Variants in AGMO observed in about 807,000 individuals in gnomAD.
AGMO encodes alkylglycerol monooxygenase.
A neutral mutation model predicts 60.2 loss-of-function variants in AGMO; 75 were observed. The ratio of observed to expected loss-of-function variants is 1.25; its 90% CI spans 1.03 to 1.51. AGMO has a LOEUF of 1.51. Ranked by LOEUF, AGMO falls within the 40% of genes most tolerant of loss-of-function variation. AGMO has a pLI of 0.00. For missense variants in AGMO, 763 were observed against 525.5 expected, an observed-to-expected ratio of 1.45 and a Z score of -4.42; for synonymous variants, 261 against 177.1, an observed-to-expected ratio of 1.47 and a Z score of -3.76.
chr7:15,545,745 A>G (rs966366816), intron 2 of AGMO, among the ~76,000 whole-genome samples: 7 of 152,056 alleles, frequency 4.6e-5, no homozygotes, highest in African/African-American at 1.7e-4. Flanking sequence ...ATGTACTTCA[A>G]TTTTAGAAAG....
chr7:15,370,444 C>T (rs922349954), intron 10 of AGMO, among the ~76,000 whole-genome samples: 1 of 152,118 alleles, frequency 6.6e-6, no homozygotes, highest in South Asian at 2.1e-4. Context: ...AATGGTAGTT[C>T]TAAGTTCTTT....
At chr7:15,375,418 CAG>C (rs1213288092) in intron 10 of AGMO, among the ~76,000 whole-genome samples, 3 of 106,604 alleles carry the variant, frequency 2.8e-5, no homozygotes, top group East Asian at 2.8e-4. Context: ...TTTTTTGAGA[CAG>C]AGTCTTGCTC....
intron 3 of AGMO, among the ~76,000 whole-genome samples, chr7:15,516,918 G>T (rs935450176): frequency 1.3e-5 from 2 of 152,022 alleles, no homozygotes; most frequent in Admixed American, 1.3e-4. Flanking sequence ...ATAGAATAAA[G>T]AGAAAGAGTC....
chr7:15,521,719 T>G (rs1783994032), intron 3 of AGMO, among the ~76,000 whole-genome samples: 1 of 152,182 alleles, frequency 6.6e-6, no homozygotes, highest in Non-Finnish European at 1.5e-5. Flanking sequence ...GAGCTATTTA[T>G]GACAAACCCA....
At chr7:15,317,012 A>T (rs1227819532) in intron 12 of AGMO, among the ~76,000 whole-genome samples, 1 of 152,206 alleles carries the variant, frequency 6.6e-6, no homozygotes, top group Non-Finnish European at 1.5e-5. Flanking sequence ...CATCAAGCAT[A>T]TCCACATGTG....
the AGMO span, among the ~76,000 whole-genome samples, chr7:15,161,461 CATAT>C: frequency 6.6e-6 from 1 of 151,496 alleles, no homozygotes; most frequent in African/African-American, 2.4e-5. Context: ...CACACACATA[CATAT>C]ACACATATAA....
intron 12 of AGMO, among the ~76,000 whole-genome samples, chr7:15,240,924 A>T (rs1583319343): frequency 6.6e-6 from 1 of 152,200 alleles, no homozygotes; most frequent in Non-Finnish European, 1.5e-5. Context: ...AGGCTACAGG[A>T]ATTGTAAATA....
Position 15,354,415 on chromosome 7 carries a change from T to TGTATATATAC in AGMO, c.1263+11098_1263+11099insGTATATATAC, listed in dbSNP as rs1782406573. Among the ~76,000 whole-genome samples the TGTATATATAC allele has an allele frequency of 2.2e-4, 5 of 23,092 alleles. 1 individual carries two copies. The highest frequency in any genetic ancestry group is 1.7e-3 in the Admixed American group (5 of 2,988). The allele number at this position is 23,092 out of a possible 152,430, so 15.1% of individuals were successfully genotyped here. On this transcript the variant is annotated intron_variant, in intron 12 of 12. Coordinates refer to ENST00000342526, the MANE Select transcript of AGMO (RefSeq NM_001004320.2). Reference sequence around the variant, plus strand: ...GTATACACGTGTGTGTACACACGTGTGTGTATACACACACGTGTGTGTATA... The same window carrying TGTATATATAC: ...GTATACACGTGTGTGTACACACGTGTGTATATATACGTGTATACACACACGTGTGTGTATA...
chr7:15,449,063 T>C (rs1413309446), intron 3 of AGMO, among the ~76,000 whole-genome samples: 1 of 152,102 alleles, frequency 6.6e-6, no homozygotes, highest in African/African-American at 2.4e-5. Context: ...CTCTTTTCTA[T>C]GTGAAAGAAA....
At chr7:15,184,328 A>AATAGAAGGAAGGAAGGGAGGGAG in the AGMO span, among the ~76,000 whole-genome samples, 1 of 92,090 alleles carries the variant, frequency 1.1e-5, no homozygotes, top group African/African-American at 4.6e-5. Context: ...GGAGGGAAGG[A>AATAGAAGGAAGGAAGGGAGGGAG]GGAAGGAAGG....
intron 12 of AGMO, among the ~76,000 whole-genome samples, chr7:15,239,145 C>A (rs1017310104): frequency 2.6e-5 from 4 of 152,102 alleles, no homozygotes; most frequent in Non-Finnish European, 4.4e-5. Flanking sequence ...ACCATCAACA[C>A]AACTTGTTGA....
intron 3 of AGMO, among the ~76,000 whole-genome samples, chr7:15,484,212 T>C (rs964379620): frequency 2.6e-5 from 4 of 152,202 alleles, no homozygotes; most frequent in Admixed American, 2.0e-4. Context: ...ACATATGAAA[T>C]GTTGAAGTAG....
At chr7:15,531,338 ATATATATTCTATATATATTC>A (rs1784337055) in intron 3 of AGMO, among the ~76,000 whole-genome samples, 1 of 92,636 alleles carries the variant, frequency 1.1e-5, no homozygotes, top group African/African-American at 5.0e-5. Flanking sequence ...TATATATTCT[ATATATATTCTATATATATTC>A]TATATATATA....
At chr7:15,435,182 T>C (rs1178149720) in intron 3 of AGMO, among the ~76,000 whole-genome samples, 1 of 152,150 alleles carries the variant, frequency 6.6e-6, no homozygotes. Flanking sequence ...GTAGTTATCA[T>C]AGAGGTTTTC....
chr7:15,268,486 A>G (rs1262099932), intron 12 of AGMO, among the ~76,000 whole-genome samples: 2 of 152,018 alleles, frequency 1.3e-5, no homozygotes, highest in African/African-American at 4.8e-5. Flanking sequence ...CATGCATTCC[A>G]TATGGTCATG....
At chr7:15,453,254 A>C (rs985805766) in intron 3 of AGMO, among the ~76,000 whole-genome samples, 2 of 152,214 alleles carry the variant, frequency 1.3e-5, no homozygotes, top group Non-Finnish European at 2.9e-5. Flanking sequence ...TAAAATAAAA[A>C]CTTCTGGGAA....
chr7:15,521,167 A>T (rs1783973886), intron 3 of AGMO, among the ~76,000 whole-genome samples: 1 of 152,232 alleles, frequency 6.6e-6, no homozygotes, highest in Non-Finnish European at 1.5e-5. Context: ...ATCCCTGAAT[A>T]GACCAATAAC....
chr7:15,357,903 T>C (rs1295346062), intron 12 of AGMO, among the ~76,000 whole-genome samples: 3 of 152,082 alleles, frequency 2.0e-5, no homozygotes. Flanking sequence ...CAAAAACAGA[T>C]AAATGCCAAG....
chr7:15,338,696 T>C (rs1016558626), intron 12 of AGMO, among the ~76,000 whole-genome samples: 1 of 152,144 alleles, frequency 6.6e-6, no homozygotes, highest in East Asian at 1.9e-4. Flanking sequence ...ATACAGCTAG[T>C]TGAATTTACT....
Sources: gnomAD v4.1 joint callset for allele counts (sites outside exome capture counted in the v4.1 genomes callset) on GRCh38, gnomAD v4.1.1 for gene constraint, MANE v1.5 for transcripts, NCBI Gene and HGNC (gene_info 2026-07-23, HGNC 2026-07-21) for gene names.